The following MEF2A variants were observed in gnomAD, a reference collection of about 807,000 sequenced individuals.
MEF2A encodes the protein myocyte enhancer factor 2A, also known as myocyte-specific enhancer factor 2A.
MEF2A carries 28 observed loss-of-function variants against 55.8 expected under a neutral mutation model. That is an observed-to-expected ratio of 0.50 (90% confidence interval 0.37 to 0.69). The LOEUF (loss-of-function observed/expected upper bound fraction) is 0.69, where lower values mean the gene tolerates loss of function less well. MEF2A is among the 30% of genes least tolerant of loss of function. The probability of loss-of-function intolerance (pLI) is 0.00; values close to 1 mark genes in which losing one functional copy is unlikely to be tolerated. For missense variants in MEF2A, 528 were observed against 626.2 expected (o/e 0.84, Z 1.67); for synonymous variants, 239 against 227.1 (o/e 1.05, Z -0.47).
intron 3 of MEF2A, among the ~76,000 whole-genome samples, chr15:99,644,986 TAAA>T (rs990131951): frequency 1.3e-5 from 2 of 152,010 alleles, no homozygotes; most frequent in African/African-American, 4.8e-5. Flanking sequence ...AGGGTGTAAA[TAAA>T]AAAATTTTTT....
chr15:99,637,804 G>A (rs529195692), intron 3 of MEF2A, among the ~76,000 whole-genome samples: 8 of 152,166 alleles, frequency 5.3e-5, no homozygotes, highest in African/African-American at 7.2e-5. Flanking sequence ...CACCACGCCC[G>A]GCTAATTTTT....
intron 2 of MEF2A, among the ~76,000 whole-genome samples, chr15:99,612,827 T>C (rs1223420779): frequency 6.6e-6 from 1 of 152,134 alleles, no homozygotes; most frequent in Non-Finnish European, 1.5e-5. Context: ...CCAGAATGTA[T>C]GTTCTCCCTA....
chr15:99,573,928 T>C (rs1348173429), intron 1 of MEF2A, among the ~76,000 whole-genome samples: 1 of 152,238 alleles, frequency 6.6e-6, no homozygotes, highest in Non-Finnish European at 1.5e-5. Context: ...TTAAACCTAA[T>C]TGATGGTATG....
At chr15:99,606,599 C>CA (rs1228887719) in intron 2 of MEF2A, among the ~76,000 whole-genome samples, 1 of 151,852 alleles carries the variant, frequency 6.6e-6, no homozygotes, top group Non-Finnish European at 1.5e-5. Flanking sequence ...AAAAGAAATT[C>CA]AGATATTTAA....
intron 1 of MEF2A, among the ~76,000 whole-genome samples, chr15:99,591,086 A>C (rs1969116326): frequency 6.6e-6 from 1 of 152,132 alleles, no homozygotes; most frequent in African/African-American, 2.4e-5. Context: ...CATTTGTTAC[A>C]ACTGAGGGCT....
In MEF2A at chr15:99,617,660, G is replaced by A. The variant is rs539717199; in HGVS notation, c.-142-15318G>A. On this transcript the variant is annotated intron_variant, in intron 2 of 11. Coordinates refer to ENST00000557942, the MANE Select transcript of MEF2A (RefSeq NM_001319206.4). Reference sequence around the variant, plus strand: ...AGAAGTACAGTAGGGTGGTTCCAGGGTTGGTTAACTCCAGTCACTCTTTCA... The same window carrying A: ...AGAAGTACAGTAGGGTGGTTCCAGGATTGGTTAACTCCAGTCACTCTTTCA... Among the ~76,000 whole-genome samples the A allele has an allele frequency of 3.8e-4, 58 of 152,154 alleles. No homozygotes were observed. The South Asian group carries it at 4.2e-3, about 11-fold the overall frequency.
intron 2 of MEF2A, among the ~76,000 whole-genome samples, chr15:99,620,144 A>T (rs2040888598): frequency 6.6e-6 from 1 of 152,232 alleles, no homozygotes; most frequent in African/African-American, 2.4e-5. Context: ...TAACTTGAGT[A>T]TATGCTGCTA....
chr15:99,691,872 G>A (rs1239100501), intron 8 of MEF2A, among the ~76,000 whole-genome samples: 2 of 152,030 alleles, frequency 1.3e-5, no homozygotes, highest in Admixed American at 6.6e-5. Context: ...CCTTGATGAC[G>A]GCTTTAGGGT....
At chr15:99,655,200 C>G (rs542272622) in intron 4 of MEF2A, among the ~76,000 whole-genome samples, 3 of 152,102 alleles carry the variant, frequency 2.0e-5, no homozygotes, top group East Asian at 3.9e-4. Flanking sequence ...ATAGAGAGCT[C>G]AGAAATGTAC....
rs192454159 is a variant in MEF2A at position 99,683,891 on chromosome 15, A to G, written c.671-6350A>G. 1.3e-5 allele frequency among the ~76,000 whole-genome samples: 2 copies of G among 152,056 alleles called. 1 individual carries two copies. The highest frequency in any genetic ancestry group is 1.3e-4 in the Admixed American group (2 of 15,280). ...CTTCCTCCTTGAGTCCCCAAAGTCCATTGTATCATTCTTATGCCGTTGCAT... is the reference window on the plus strand; with the variant it reads ...CTTCCTCCTTGAGTCCCCAAAGTCCGTTGTATCATTCTTATGCCGTTGCAT... On this transcript the variant is annotated intron_variant, in intron 7 of 11. Coordinates refer to ENST00000557942, the MANE Select transcript of MEF2A (RefSeq NM_001319206.4).
At chr15:99,634,424 A>G (rs1385341762) in intron 3 of MEF2A, among the ~76,000 whole-genome samples, 1 of 152,190 alleles carries the variant, frequency 6.6e-6, no homozygotes, top group Admixed American at 6.5e-5. Context: ...GCAAGGCTGC[A>G]AATTATCTTC....
chr15:99,695,668 T>C (rs2056353212), intron 8 of MEF2A, among the ~76,000 whole-genome samples: 1 of 151,870 alleles, frequency 6.6e-6, no homozygotes. Context: ...GAGACCAGCC[T>C]GACCAACATG....
intron 3 of MEF2A, among the ~76,000 whole-genome samples, chr15:99,639,025 C>T (rs1289675949): frequency 6.6e-6 from 1 of 152,098 alleles, no homozygotes; most frequent in Non-Finnish European, 1.5e-5. Context: ...TAAAAGCAGA[C>T]ATCCTCATAT....
chr15:99,659,116 G>T (rs149551568), intron 4 of MEF2A, among the ~76,000 whole-genome samples: 1 of 152,292 alleles, frequency 6.6e-6, no homozygotes, highest in East Asian at 1.9e-4. Flanking sequence ...AGACTTTCTT[G>T]TCTGTGGTGC....
chr15:99,584,645 A>G (rs181756536), intron 1 of MEF2A, among the ~76,000 whole-genome samples: 215 of 152,282 alleles, frequency 1.4e-3, no homozygotes, highest in Non-Finnish European at 2.5e-3. Flanking sequence ...ATAGAGACAG[A>G]AAGTAGGTGT....
chr15:99,679,462 A>G (rs2052779572), intron 7 of MEF2A, among the ~76,000 whole-genome samples: 1 of 152,234 alleles, frequency 6.6e-6, no homozygotes, highest in Non-Finnish European at 1.5e-5. Context: ...AGATAGATAC[A>G]TACTCAAGAT....
chr15:99,601,388 C>T (rs1972892586), intron 2 of MEF2A, among the ~76,000 whole-genome samples: 1 of 151,802 alleles, frequency 6.6e-6, no homozygotes, highest in African/African-American at 2.4e-5. Context: ...CTTTTGCTTG[C>T]TCTATTAGAC....
intron 8 of MEF2A, among the ~76,000 whole-genome samples, chr15:99,701,652 G>GA (rs1320007830): frequency 2.0e-5 from 3 of 152,226 alleles, no homozygotes; most frequent in African/African-American, 4.8e-5. Context: ...AAAGCTGAGT[G>GA]AGATGTGAGG....
chr15:99,669,166 G>C (rs2050374793), intron 4 of MEF2A, among the ~76,000 whole-genome samples: 1 of 152,106 alleles, frequency 6.6e-6, no homozygotes, highest in African/African-American at 2.4e-5. Flanking sequence ...ATATATACTT[G>C]GTGATTGCCA....
Sources: allele counts gnomAD v4.1 joint callset (sites outside exome capture counted in the v4.1 genomes callset), GRCh38; gene constraint gnomAD v4.1.1; transcripts MANE v1.5; gene names NCBI Gene and HGNC (gene_info 2026-07-23, HGNC 2026-07-21).